MIOS: variants seen among roughly 807,000 people sequenced by gnomAD.
MIOS encodes the protein GATOR2 complex protein MIOS.
Under a neutral mutation model 96.9 loss-of-function variants are expected in MIOS, and 52 were observed. That is an observed-to-expected ratio of 0.54 (90% CI 0.43 to 0.68). MIOS has a LOEUF of 0.68. Ranked by LOEUF, MIOS falls within the 30% of genes least tolerant of loss-of-function variation. The pLI, the probability that MIOS is intolerant of heterozygous loss-of-function variation, is 0.00. For missense variants in MIOS, 1,005 were observed against 1,052.8 expected (o/e 0.95, Z 0.63); for synonymous variants, 397 against 359.5 (o/e 1.10, Z -1.18).
chr7:7,573,054 T>A lies in MIOS; in HGVS notation c.579T>A (p.Leu193=). ...ATGCTTGTCTGTCTCTTTGTTGGCT[T>A]CCACGAGACCAGAAACTTCTCCTTG... ...QNDACLSLCW[L]PRDQKLLLAG... The change falls in exon 4 of 13, where the codon CTT becomes CTA. Residue 193 remains leucine, a synonymous_variant. Transcript: ENST00000340080. This position sits in a 1 kb window ranked among gnomAD's most constrained non-coding sequence, Gnocchi z 5.0. 6.2e-7 allele frequency: 1 copy of A among 1,614,070 alleles called. No individual in the cohort carries two copies. Among genetic ancestry groups the A allele is most frequent in the Non-Finnish European group, 8.5e-7 (1 of 1,179,960 alleles).
chr7:7,578,731 CAG>C (rs1783616288), intron 5 of MIOS, among the ~76,000 whole-genome samples: 1 of 150,676 alleles, frequency 6.6e-6, no homozygotes, highest in African/African-American at 2.4e-5. Context: ...TTTTTGGAGA[CAG>C]AGTCTCTCTC....
At chr7:7,597,490 ATATATATATATATATATATATATATAT>A (rs1784243168) in intron 11 of MIOS, among the ~76,000 whole-genome samples, 2 of 60,344 alleles carry the variant, frequency 3.3e-5, no homozygotes, top group African/African-American at 1.2e-4. Context: ...ATATATATAT[ATATATATATATATATATATATATATAT>A]GAAGGCAATA....
At chr7:7,606,893 C>A in intron 12 of MIOS, 103 bp from the exon 13 acceptor site, 2 of 912,006 alleles carry the variant, frequency 2.2e-6, no homozygotes, top group South Asian at 1.5e-5. Context: ...TGCGTACAGC[C>A]TGGGAAATAT....
intron 3 of MIOS, among the ~76,000 whole-genome samples, chr7:7,569,475 C>T (rs12535954): frequency 2.0e-5 from 3 of 152,220 alleles, no homozygotes; most frequent in African/African-American, 4.8e-5. Context: ...TCCTAGGGAG[C>T]GTAGAAGTGG....
intron 12 of MIOS, 139 bp from the exon 13 acceptor site, chr7:7,606,857 A>AGGAGGATC (rs1176164880): frequency 1.6e-6 from 1 of 630,106 alleles, no homozygotes; most frequent in African/African-American, 1.9e-5. Context: ...AGGCTGAGGC[A>AGGAGGATC]GGAGGATCAC....
chr7:7,583,911 A>C (rs999701590), intron 6 of MIOS, among the ~76,000 whole-genome samples: 7 of 152,128 alleles, frequency 4.6e-5, no homozygotes, highest in Admixed American at 3.3e-4. Context: ...GTATTTTTTA[A>C]AAAGAAAGAG....
intron 11 of MIOS, among the ~76,000 whole-genome samples, chr7:7,600,620 A>T (rs1784347885): frequency 6.6e-6 from 1 of 152,178 alleles, no homozygotes; most frequent in African/African-American, 2.4e-5. Context: ...TAATAATGGG[A>T]GACTTTAACA....
chr7:7,591,851 T>G lies in MIOS; in HGVS notation c.2043+2288T>G, dbSNP rs190845538. 2.9e-4 allele frequency among the ~76,000 whole-genome samples: 44 copies of G among 152,294 alleles called. No homozygotes were observed. The East Asian group carries it at 8.3e-3, about 29-fold the overall frequency. On this transcript the variant is annotated intron_variant, in intron 9 of 12. Coordinates refer to ENST00000340080, the MANE Select transcript of MIOS (RefSeq NM_019005.4). ...ATTTCTTTAAATATTTTTTTCTGCCTCAATCTTATTCGGTTTTTCTTCTAG... is the reference window on the plus strand; with the variant it reads ...ATTTCTTTAAATATTTTTTTCTGCCGCAATCTTATTCGGTTTTTCTTCTAG...
intron 11 of MIOS, among the ~76,000 whole-genome samples, chr7:7,599,450 T>C (rs3779375): frequency 0.14 from 21,116 of 152,124 alleles, 1,660 homozygotes; most frequent in Middle Eastern, 0.24. Context: ...AAGTGGGAAA[T>C]ATTACTTCTA....
rs1480129219 is a variant in MIOS at position 7,570,193 on chromosome 7, G to C, written c.-41+2070G>C. Among the ~76,000 whole-genome samples, 11 of 152,174 alleles carry C rather than the reference G, an allele frequency of 7.2e-5. No homozygotes were observed. In the South Asian group the frequency reaches 1.9e-3, roughly 26 times the overall value. On this transcript the variant is annotated intron_variant, in intron 3 of 12. Transcript: ENST00000340080. ...TAATTTACTGAAATCAGTTTTCAGA[G>C]GCTTGAGACTATCCTCTGTGTGGTA...
rs562538239 is a variant in MIOS at position 7,572,320 on chromosome 7, A to G, written c.-40-116A>G. 11 of 497,548 alleles carry G rather than the reference A, an allele frequency of 2.2e-5. No individual in the cohort carries two copies. Among genetic ancestry groups the G allele is most frequent in the South Asian group, 5.1e-5 (1 of 19,722 alleles). The allele number at this position is 497,548 out of a possible 1,614,324, so 30.8% of individuals were successfully genotyped here. A position where few individuals can be genotyped will look rare whatever the true frequency, so the allele number is the denominator to read the frequency against. On this transcript the variant is annotated intron_variant, in intron 3 of 12. Transcript: ENST00000340080. The surrounding 1 kb of genome is among the most constrained non-coding windows in gnomAD (Gnocchi z 4.8). The stretch of plus-strand genomic sequence containing the variant: ...GCAGATAGAGAGAAGAAATACAAAT[A>G]TATTGAAAAAGAGGGTTCTTGAATA...
At chr7:7,571,583 A>G (rs1348049646) in intron 3 of MIOS, among the ~76,000 whole-genome samples, 2 of 152,264 alleles carry the variant, frequency 1.3e-5, no homozygotes, top group African/African-American at 4.8e-5. Context: ...AAAATGAGTC[A>G]GTTTAAAGAA....
intron 9 of MIOS, 26 bp downstream of exon 9, chr7:7,589,589 TA>T (rs760134960): frequency 6.4e-7 from 1 of 1,569,642 alleles, no homozygotes; most frequent in East Asian, 2.3e-5. Context: ...CAGCAGCTTT[TA>T]AAAAAGTAAC....
At chr7:7,589,604 A>G in intron 9 of MIOS, 41 bp downstream of exon 9, 2 of 1,562,556 alleles carry the variant, frequency 1.3e-6, no homozygotes, top group Non-Finnish European at 1.7e-6. Context: ...AAGTAACAAT[A>G]TTCTATATTT....
intron 5 of MIOS, among the ~76,000 whole-genome samples, chr7:7,575,406 A>G (rs955462177): frequency 2.6e-5 from 4 of 152,056 alleles, no homozygotes; most frequent in African/African-American, 7.2e-5. Context: ...TTGTTTTTGT[A>G]TTAGCCCTCC....
At chr7:7,604,773 A>G (rs556932455) in intron 11 of MIOS, among the ~76,000 whole-genome samples, 1 of 152,324 alleles carries the variant, frequency 6.6e-6, no homozygotes, top group African/African-American at 2.4e-5. Context: ...AGAAAAATAT[A>G]AGGATATGCC....
intron 6 of MIOS, among the ~76,000 whole-genome samples, chr7:7,583,927 G>T (rs769368101): frequency 6.6e-6 from 1 of 151,968 alleles, no homozygotes; most frequent in African/African-American, 2.4e-5. Context: ...AAGAGATAAG[G>T]TTTTTTTACT....
At chr7:7,578,819 T>C (rs1436811900) in intron 5 of MIOS, among the ~76,000 whole-genome samples, 1 of 152,104 alleles carries the variant, frequency 6.6e-6, no homozygotes, top group Non-Finnish European at 1.5e-5. Flanking sequence ...CAAGTGATTT[T>C]CGTGCCTCAG....
At chr7:7,594,419 C>G (rs1784143996) in intron 9 of MIOS, among the ~76,000 whole-genome samples, 1 of 151,990 alleles carries the variant, frequency 6.6e-6, no homozygotes, top group South Asian at 2.1e-4. Flanking sequence ...ATCAACCTCC[C>G]AAGTAACTAG....
Sources: allele counts gnomAD v4.1 joint callset (sites outside exome capture counted in the v4.1 genomes callset), GRCh38; gene constraint gnomAD v4.1.1; non-coding constraint Gnocchi (gnomAD v3.1); transcripts MANE v1.5; gene names NCBI Gene and HGNC (gene_info 2026-07-23, HGNC 2026-07-21).